ITSN2: variants seen among roughly 807,000 people sequenced by gnomAD.
The protein encoded by ITSN2 is intersectin 2.
A neutral mutation model predicts 243.7 loss-of-function variants in ITSN2; 156 were observed. The observed-to-expected ratio is 0.64, with a 90% CI of 0.56 to 0.73. ITSN2 has a LOEUF of 0.73. Among genes scored for constraint, ITSN2 ranks in the 30% least tolerant of loss-of-function variants. The probability of loss-of-function intolerance (pLI) is 0.00; values close to 1 mark genes in which losing one functional copy is unlikely to be tolerated. For synonymous variants in ITSN2, 703 were observed against 699.9 expected (o/e 1.00, Z -0.07); for missense variants, 1,801 against 1,996.1 (o/e 0.90, Z 1.86).
chr2:24,306,048 C>A (rs1001790678), intron 8 of ITSN2, among the ~76,000 whole-genome samples: 3 of 152,076 alleles, frequency 2.0e-5, no homozygotes, highest in Non-Finnish European at 4.4e-5. Flanking sequence ...GGCATGATCT[C>A]AGCTCACTGC....
chr2:24,272,777 TAGATA>T (rs1677531832), intron 18 of ITSN2, among the ~76,000 whole-genome samples: 1 of 152,158 alleles, frequency 6.6e-6, no homozygotes, highest in Non-Finnish European at 1.5e-5. Context: ...TTTGTTTGCT[TAGATA>T]ATAGAGCATT....
At chr2:24,325,439 T>C (rs1685064517) in intron 2 of ITSN2, among the ~76,000 whole-genome samples, 1 of 152,076 alleles carries the variant, frequency 6.6e-6, no homozygotes, top group Admixed American at 6.5e-5. Context: ...ATAAGAAAAC[T>C]GGGCAATACG....
chr2:24,322,890 C>CA (rs891771883), intron 2 of ITSN2, among the ~76,000 whole-genome samples: 2 of 150,686 alleles, frequency 1.3e-5, no homozygotes, highest in African/African-American at 2.4e-5. Context: ...TCCCCCCCCT[C>CA]AAAAAAAAGG....
rs796389174 is a variant in ITSN2, at chr2:24,322,367, G to C, written c.31+5685C>G. On this transcript the variant is annotated intron_variant, in intron 2 of 39. Coordinates refer to ENST00000355123, the MANE Select transcript of ITSN2 (RefSeq NM_006277.3). The stretch of plus-strand genomic sequence containing the variant: ...TTGGTAAGTGTTGAAGGCAAGACTA[G>C]CGTCTACTCAGGCTTAATTAAGAGT... Among the ~76,000 whole-genome samples the C allele has an allele frequency of 1.4e-4, 21 of 152,314 alleles. 1 individual carries two copies. Among genetic ancestry groups the C allele is most frequent in the African/African-American group, 4.8e-4 (20 of 41,580 alleles).
chr2:24,253,674 T>C (rs192033902), intron 24 of ITSN2, among the ~76,000 whole-genome samples: 1 of 152,376 alleles, frequency 6.6e-6, no homozygotes, highest in East Asian at 1.9e-4. Context: ...TGGAAACTTT[T>C]ATTCATCCTT....
At chr2:24,222,850 A>G (rs1253390368) in intron 29 of ITSN2, among the ~76,000 whole-genome samples, 1 of 151,184 alleles carries the variant, frequency 6.6e-6, no homozygotes, top group Non-Finnish European at 1.5e-5. Flanking sequence ...TAATTTTTGT[A>G]TTTTTAGTAG....
chr2:24,349,461 T>C (rs570462662), intron 1 of ITSN2, among the ~76,000 whole-genome samples: 33 of 152,246 alleles, frequency 2.2e-4, no homozygotes, highest in Admixed American at 1.6e-3. Flanking sequence ...ATGTACAAAA[T>C]ATGGCACATA....
In ITSN2 at chr2:24,298,618, T is replaced by C. The variant is rs781779659; in HGVS notation, c.1494+47A>G. On this transcript the variant is annotated intron_variant, in intron 13 of 39. Transcript: ENST00000355123. Reference sequence around the variant, plus strand: ...GCCCACAATTACATTTTTCAACAGGTAGCTCCATCATCATTCAGATAAATT... The same window carrying C: ...GCCCACAATTACATTTTTCAACAGGCAGCTCCATCATCATTCAGATAAATT... 5.2e-6 allele frequency: 8 copies of C among 1,547,242 alleles called. No individual in the cohort carries two copies. The Admixed American group carries it at 1.2e-4, about 23-fold the overall frequency.
In ITSN2 at chr2:24,206,376, G is replaced by A. The variant is rs1378038910; in HGVS notation, c.4679-1079C>T. On this transcript the variant is annotated intron_variant, in intron 37 of 39. Transcript: ENST00000355123. ...GCTGCATGGGGGGGCCCGGCGGGAA[G>A]GAAGGTGGAGATGCAGGGGGCCGGC... 4 of 253,222 alleles carry A rather than the reference G, an allele frequency of 1.6e-5. No homozygotes were observed. In the East Asian group the frequency reaches 6.3e-4, roughly 40 times the overall value. The allele number at this position is 253,222 out of a possible 1,614,324, so 15.7% of individuals were successfully genotyped here.
intron 1 of ITSN2, among the ~76,000 whole-genome samples, chr2:24,359,807 G>C (rs528881324): frequency 6.6e-6 from 1 of 152,062 alleles, no homozygotes; most frequent in South Asian, 2.1e-4. Context: ...CTCGTGACTC[G>C]GGCTACTTTG....
Position 24,204,568 on chromosome 2 carries a change from T to TTACTAGACCACA in ITSN2, c.4763-151_4763-150insTGTGGTCTAGTA. The TTACTAGACCACA allele has an allele frequency of 1.4e-6, 1 of 734,458 alleles. No individual in the cohort carries two copies. Among genetic ancestry groups the TTACTAGACCACA allele is most frequent in the Non-Finnish European group, 2.4e-6 (1 of 410,920 alleles). The allele number at this position is 734,458 out of a possible 1,614,324, so 45.5% of individuals were successfully genotyped here. On this transcript the variant is annotated intron_variant, in intron 38 of 39. Transcript: ENST00000355123. The surrounding 1 kb of genome is among the most constrained non-coding windows in gnomAD (Gnocchi z 5.1). The stretch of plus-strand genomic sequence containing the variant: ...CGCTGCCTGGGGCACCATATCCCTG[T>TTACTAGACCACA]GGTCTAGTAACAGGGTCTCCAAGTT...
Position 24,209,143 on chromosome 2 carries a change from T to A in ITSN2, c.4552A>T (p.Ile1518Phe). Reference sequence around the variant, plus strand: ...GTTCGGAGGGTGTAGACCCGATCAATGTGGGAAATGTGGAAGACAGGCTCA... The same window carrying A: ...GTTCGGAGGGTGTAGACCCGATCAAAGTGGGAAATGTGGAAGACAGGCTCA... The part of the protein sequence containing the change: ...SDEPVFHISH[I>F]DRVYTLRTDN... The change falls in exon 36 of 40, where the codon ATT becomes TTT. Residue 1518 changes from isoleucine to phenylalanine, a missense_variant. Around this residue, in one of 5 missense-constraint regions of ITSN2, gnomAD observed 928 missense variants for 1,065.4 expected, o/e 0.87. Transcript: ENST00000355123. 1 of 1,614,020 alleles carries A rather than the reference T, an allele frequency of 6.2e-7. No individual in the cohort carries two copies. Among genetic ancestry groups the A allele is most frequent in the East Asian group, 2.2e-5 (1 of 44,882 alleles).
At chr2:24,273,901 G>A (rs1436214097) in intron 18 of ITSN2, among the ~76,000 whole-genome samples, 1 of 152,180 alleles carries the variant, frequency 6.6e-6, no homozygotes, top group Non-Finnish European at 1.5e-5. Context: ...CTGGGCAAAT[G>A]GCCAATCAAT....
chr2:24,357,532 C>G (rs1210867621), intron 1 of ITSN2, among the ~76,000 whole-genome samples: 1 of 152,126 alleles, frequency 6.6e-6, no homozygotes, highest in East Asian at 1.9e-4. Flanking sequence ...AGCAAACCAC[C>G]ACGGTGCACG....
In ITSN2 at chr2:24,221,126, A is replaced by G. The variant is rs113379097; in HGVS notation, c.3578-60T>C. On this transcript the variant is annotated intron_variant, in intron 29 of 39. Coordinates refer to ENST00000355123, the MANE Select transcript of ITSN2 (RefSeq NM_006277.3). ...TTAGTCAACTTTGTAGAAAATAGAC[A>G]TTTGTCAGCAGATGTGCTGGGTTTA... is the stretch of plus-strand genomic sequence containing the variant. The G allele has an allele frequency of 9.8e-4, 1,512 of 1,537,432 alleles. 12 individuals are homozygous for G. The African/African-American group carries it at 0.019, about 19-fold the overall frequency.
intron 1 of ITSN2, among the ~76,000 whole-genome samples, chr2:24,346,855 T>C (rs1687578830): frequency 1.6e-5 from 2 of 128,982 alleles, no homozygotes; most frequent in South Asian, 4.9e-4. Context: ...CACATGGAAA[T>C]TTATCTTTTT....
chr2:24,313,685 T>G (rs1683543941), intron 3 of ITSN2, among the ~76,000 whole-genome samples, 162 bp from the exon 4 acceptor site: 3 of 152,316 alleles, frequency 2.0e-5, no homozygotes, highest in African/African-American at 7.2e-5. Context: ...TTACATAACT[T>G]TAATAAGACA....
chr2:24,334,497 A>G (rs1050749985), intron 1 of ITSN2: 33 of 702,424 alleles, frequency 4.7e-5, no homozygotes, highest in Non-Finnish European at 8.6e-5. Flanking sequence ...CCGTGCCAAT[A>G]GCGCTCATGC....
chr2:24,209,876 G>C lies in ITSN2; in HGVS notation c.4415C>G (p.Ser1472Cys). ...CGAGCTGAAAAGTTTCTCAGAGCCAGAGGAAACAGCAAACTGCTTGACCAT... is the reference window on the plus strand; with the variant it reads ...CGAGCTGAAAAGTTTCTCAGAGCCACAGGAAACAGCAAACTGCTTGACCAT... ...TYMVKQFAVSSGSEKLFSSKS... is the reference protein window; with the variant it reads ...TYMVKQFAVSCGSEKLFSSKS... Residue 1472 changes from serine to cysteine, a missense_variant, in exon 35 of 40, where the codon TCT becomes TGT. Coordinates refer to ENST00000355123, the MANE Select transcript of ITSN2 (RefSeq NM_006277.3). The C allele has an allele frequency of 6.2e-7, 1 of 1,614,226 alleles. No individual in the cohort carries two copies.
Sources: allele counts gnomAD v4.1 joint callset (sites outside exome capture counted in the v4.1 genomes callset), GRCh38; gene constraint gnomAD v4.1.1; regional missense constraint gnomAD v4.1.1; non-coding constraint Gnocchi (gnomAD v3.1); transcripts MANE v1.5; gene names NCBI Gene and HGNC (gene_info 2026-07-23, HGNC 2026-07-21).